The following CRYBG1 variants were observed in gnomAD, a reference collection of about 807,000 sequenced individuals.
CRYBG1 encodes the protein beta/gamma crystallin domain-containing protein 1.
CRYBG1 carries 139 observed loss-of-function variants against 189.2 expected under a neutral mutation model. That is an observed-to-expected ratio of 0.73 (90% CI 0.64 to 0.85). The LOEUF (loss-of-function observed/expected upper bound fraction) is 0.85, where lower values mean the gene tolerates loss of function less well. CRYBG1 is among the 40% of genes least tolerant of loss of function. The probability of loss-of-function intolerance (pLI) is 0.00; values close to 1 mark genes in which losing one functional copy is unlikely to be tolerated. For missense variants in CRYBG1, 2,611 were observed against 2,675.8 expected (o/e 0.98, Z 0.53); for synonymous variants, 1,023 against 1,017.1 (o/e 1.01, Z -0.11).
chr6:106,374,116 A>G (rs1770099785), intron 1 of CRYBG1, among the ~76,000 whole-genome samples: 1 of 152,184 alleles, frequency 6.6e-6, no homozygotes, highest in African/African-American at 2.4e-5. Flanking sequence ...GAGGCCCTGG[A>G]GTGTGGGCTG....
chr6:106,519,648 G>A lies in CRYBG1; in HGVS notation c.2440G>A (p.Glu814Lys). The A allele has an allele frequency of 6.2e-7, 1 of 1,614,158 alleles. No individual in the cohort carries two copies. The highest frequency in any genetic ancestry group is 8.5e-7 in the Non-Finnish European group (1 of 1,179,992). The part of the protein sequence containing the change: ...LIPVKDHKLL[E>K]KEDSEAADSK... ...TCCTGTCAAGGATCATAAGCTCTTAGAGAAGGAGGACTCAGAGGCTGCAGA... is the reference window on the plus strand; with the variant it reads ...TCCTGTCAAGGATCATAAGCTCTTAAAGAAGGAGGACTCAGAGGCTGCAGA... Residue 814 changes from glutamate to lysine, a missense_variant, in exon 4 of 22, where the codon GAG (glutamate) becomes AAG (lysine). By Grantham distance (56) the Glu-to-Lys change is moderately conservative. Transcript: ENST00000633556.
At chr6:106,523,470 C>G (rs1403015403) in intron 4 of CRYBG1, among the ~76,000 whole-genome samples, 2 of 152,010 alleles carry the variant, frequency 1.3e-5, no homozygotes, top group African/African-American at 4.8e-5. Flanking sequence ...TACAGTTTCC[C>G]TATGAAAATC....
chr6:106,525,245 C>T (rs1369648188), intron 5 of CRYBG1, 23 bp from the exon 6 acceptor site: 2 of 1,610,734 alleles, frequency 1.2e-6, no homozygotes. Context: ...ACAAAGTGTG[C>T]TACCACTTTC....
chr6:106,379,884 T>G (rs1182591784), intron 1 of CRYBG1, among the ~76,000 whole-genome samples: 1 of 152,194 alleles, frequency 6.6e-6, no homozygotes, highest in Non-Finnish European at 1.5e-5. Flanking sequence ...CAGCCATGAT[T>G]TTTACATTCT....
intron 2 of CRYBG1, among the ~76,000 whole-genome samples, chr6:106,474,396 A>G (rs904317139): frequency 6.6e-6 from 1 of 152,214 alleles, no homozygotes; most frequent in Non-Finnish European, 1.5e-5. Context: ...ATAGTGTATA[A>G]TAACCTGCAT....
At chr6:106,451,664 T>A (rs1414504540) in intron 1 of CRYBG1, 30 bp from the exon 2 acceptor site, 2 of 1,524,890 alleles carry the variant, frequency 1.3e-6, no homozygotes, top group African/African-American at 1.4e-5. Context: ...TCATAGTGTA[T>A]TGACATGACT....
At chr6:106,367,219 A>G (rs1468567829) in intron 1 of CRYBG1, among the ~76,000 whole-genome samples, 1 of 152,232 alleles carries the variant, frequency 6.6e-6, no homozygotes, top group Non-Finnish European at 1.5e-5. Flanking sequence ...TGGCAGTGAC[A>G]TAAACCCTTT....
chr6:106,442,882 A>C (rs1771590879), intron 1 of CRYBG1, among the ~76,000 whole-genome samples: 1 of 152,236 alleles, frequency 6.6e-6, no homozygotes, highest in Non-Finnish European at 1.5e-5. Context: ...TTGAAAAGTT[A>C]GACTGGGTCC....
At chr6:106,561,096 G>C (rs1449564330) in intron 19 of CRYBG1, among the ~76,000 whole-genome samples, 170 bp downstream of exon 19, 5 of 152,206 alleles carry the variant, frequency 3.3e-5, no homozygotes, top group African/African-American at 1.2e-4. Context: ...TAAGAGGTGT[G>C]GCTGCTTCAG....
Position 106,519,153 on chromosome 6 carries a change from G to A in CRYBG1, c.1945G>A (p.Glu649Lys). ...VTLPAKPKHV[E>K]LNLKTPKNLD... ...CAGCCCTGCCAAGCCCAAACATGTG[G>A]AACTAAATCTTAAAACCCCTAAGAA... Residue 649 changes from glutamate (E) to lysine (K), a missense_variant, in exon 4 of 22, where the codon GAA becomes AAA. Coordinates refer to ENST00000633556, the MANE Select transcript of CRYBG1 (RefSeq NM_001371242.2). 2 of 1,613,620 alleles carry A rather than the reference G, an allele frequency of 1.2e-6. No individual in the cohort carries two copies. The highest frequency in any genetic ancestry group is 1.1e-5 in the South Asian group (1 of 91,022).
intron 2 of CRYBG1, among the ~76,000 whole-genome samples, chr6:106,487,275 G>GT (rs1394792142): frequency 1.3e-5 from 2 of 152,042 alleles, no homozygotes; most frequent in Non-Finnish European, 2.9e-5. Flanking sequence ...AACTATTGAT[G>GT]TTTTTTACCT....
At chr6:106,538,198 A>G (rs1039632613) in intron 8 of CRYBG1, among the ~76,000 whole-genome samples, 5 of 152,148 alleles carry the variant, frequency 3.3e-5, no homozygotes, top group African/African-American at 9.7e-5. Flanking sequence ...TCTTATAGAA[A>G]AGTCACTTCT....
intron 1 of CRYBG1, among the ~76,000 whole-genome samples, chr6:106,385,690 T>C (rs771838285): frequency 2.6e-5 from 4 of 152,208 alleles, no homozygotes; most frequent in Admixed American, 6.5e-5. Context: ...CATACCACGG[T>C]GACTCATTAA....
chr6:106,467,630 C>CT (rs2114461824), intron 2 of CRYBG1, among the ~76,000 whole-genome samples: 1 of 152,048 alleles, frequency 6.6e-6, no homozygotes, highest in Non-Finnish European at 1.5e-5. Context: ...AGTTTTAAGA[C>CT]TAACAGAGCA....
intron 2 of CRYBG1, among the ~76,000 whole-genome samples, chr6:106,496,156 C>G (rs10872007): frequency 0.14 from 21,419 of 152,166 alleles, 1,552 homozygotes; most frequent in East Asian, 0.17. Context: ...CTTCTTACAA[C>G]CCTGCTATTT....
intron 1 of CRYBG1, among the ~76,000 whole-genome samples, chr6:106,433,309 T>C (rs948623060): frequency 2.6e-5 from 4 of 152,204 alleles, no homozygotes; most frequent in Non-Finnish European, 4.4e-5. Context: ...ACAATCTTCA[T>C]ACTGTGCACC....
chr6:106,443,151 G>A (rs967426033), intron 1 of CRYBG1, among the ~76,000 whole-genome samples: 1 of 152,186 alleles, frequency 6.6e-6, no homozygotes, highest in Non-Finnish European at 1.5e-5. Flanking sequence ...TGTCATACTG[G>A]TGAGGTGGAA....
At chr6:106,425,846 C>CA (rs1205894329) in intron 1 of CRYBG1, among the ~76,000 whole-genome samples, 37 of 152,062 alleles carry the variant, frequency 2.4e-4, no homozygotes, top group Admixed American at 2.4e-3. Flanking sequence ...ACCAGTTGGC[C>CA]AGGCCGGTCT....
intron 2 of CRYBG1, among the ~76,000 whole-genome samples, chr6:106,503,281 G>A (rs982608839): frequency 4.6e-5 from 7 of 152,182 alleles, no homozygotes; most frequent in Non-Finnish European, 8.8e-5. Context: ...ACAAGGCTGA[G>A]GGAGGGTGAG....
Sources: gnomAD v4.1 joint callset for allele counts (sites outside exome capture counted in the v4.1 genomes callset) on GRCh38, gnomAD v4.1.1 for gene constraint, MANE v1.5 for transcripts, NCBI Gene and HGNC (gene_info 2026-07-23, HGNC 2026-07-21) for gene names.